Variants in LIMS1 observed in about 807,000 individuals in gnomAD.
LIMS1 encodes the protein LIM zinc finger domain containing 1.
In LIMS1, 18 loss-of-function variants were observed where a neutral mutation model predicts 44.1. That is an observed-to-expected ratio of 0.41 (90% CI 0.28 to 0.61). LIMS1 has a LOEUF of 0.61. Among genes scored for constraint, LIMS1 ranks in the 20% least tolerant of loss-of-function variants. The pLI is 0.32. For missense variants in LIMS1, 201 were observed against 422.0 expected (o/e 0.48, Z 4.59); for synonymous variants, 93 against 149.1 (o/e 0.62, Z 2.74).
chr2:108,573,776 G>A (rs1232226964), intron 1 of LIMS1, among the ~76,000 whole-genome samples: 1 of 152,152 alleles, frequency 6.6e-6, no homozygotes, highest in Admixed American at 6.5e-5. Flanking sequence ...GCTAGAGAAG[G>A]GTGTAGGGGA....
At chr2:108,636,174 C>T (rs1420057145) in intron 1 of LIMS1, among the ~76,000 whole-genome samples, 5 of 152,174 alleles carry the variant, frequency 3.3e-5, no homozygotes, top group Non-Finnish European at 1.5e-5. Flanking sequence ...ACTCCGTGCC[C>T]GGGGTCACAC....
intron 2 of LIMS1, among the ~76,000 whole-genome samples, chr2:108,666,155 CCTT>C (rs1240429319): frequency 6.6e-6 from 1 of 152,198 alleles, no homozygotes; most frequent in Non-Finnish European, 1.5e-5. Context: ...GGACTGTCCT[CCTT>C]CTGATGCCAA....
rs1467474763 is a variant in LIMS1, at chr2:108,656,651, C to T, written c.33-2954C>T. ...CCCCTGCTTGTGATGAAAAGGAATA[C>T]TTCTTGCAAAATATATATTATATTA... On this transcript the variant is annotated intron_variant, in intron 1 of 9. Coordinates refer to ENST00000544547, the Ensembl canonical transcript of LIMS1. Among the ~76,000 whole-genome samples the T allele has an allele frequency of 2.7e-5, 4 of 149,280 alleles. No homozygotes were observed. In the East Asian group the frequency reaches 7.9e-4, roughly 30 times the overall value.
intron 1 of LIMS1, among the ~76,000 whole-genome samples, chr2:108,587,287 GGTTTGTGTGT>G (rs1370615502): frequency 1.8e-5 from 2 of 111,710 alleles, no homozygotes; most frequent in Non-Finnish European, 3.7e-5. Flanking sequence ...GTTTTCTTGG[GGTTTGTGTGT>G]GTGTGTGTGT....
intron 1 of LIMS1, among the ~76,000 whole-genome samples, chr2:108,609,357 T>G (rs560933345): frequency 1.3e-5 from 2 of 152,258 alleles, no homozygotes; most frequent in South Asian, 4.1e-4. Flanking sequence ...TCTCCAGGAT[T>G]GCACCCCTCC....
chr2:108,640,309 G>A (rs1189283233), intron 1 of LIMS1, among the ~76,000 whole-genome samples: 1 of 152,194 alleles, frequency 6.6e-6, no homozygotes, highest in Non-Finnish European at 1.5e-5. Flanking sequence ...GTTCATGTTA[G>A]CAACTTTTCT....
At chr2:108,603,319 T>C (rs934600847) in intron 1 of LIMS1, among the ~76,000 whole-genome samples, 2 of 152,138 alleles carry the variant, frequency 1.3e-5, no homozygotes, top group Non-Finnish European at 2.9e-5. Context: ...TTACTTGTTA[T>C]TGGTCTGTTC....
At chr2:108,620,389 G>T (rs918064226) in intron 1 of LIMS1, among the ~76,000 whole-genome samples, 1 of 152,176 alleles carries the variant, frequency 6.6e-6, no homozygotes, top group Non-Finnish European at 1.5e-5. Flanking sequence ...CTGGGAGGTA[G>T]CCTGTATTTG....
intron 1 of LIMS1, among the ~76,000 whole-genome samples, chr2:108,650,823 T>C (rs998590965): frequency 1.1e-4 from 17 of 152,058 alleles, no homozygotes; most frequent in Non-Finnish European, 1.5e-5. Context: ...CTATGTACTG[T>C]ATAGTCATAG....
intron 1 of LIMS1, among the ~76,000 whole-genome samples, chr2:108,579,158 C>G (rs934194890): frequency 6.6e-6 from 1 of 152,090 alleles, no homozygotes. Context: ...GTAACAAAAA[C>G]AACTTATATT....
chr2:108,650,553 G>A (rs1285544882), intron 1 of LIMS1, among the ~76,000 whole-genome samples: 2 of 152,068 alleles, frequency 1.3e-5, no homozygotes, highest in Non-Finnish European at 2.9e-5. Flanking sequence ...GAGCAGCTGG[G>A]ATTACACGTG....
At chr2:108,672,934 C>T (rs1692245851) in exon 5 of LIMS1, 2 of 1,007,308 alleles carry the variant, frequency 2.0e-6, no homozygotes, top group South Asian at 1.6e-5. Context: ...TTGGGAAATA[C>T]ATCTGCCAGA....
intron 1 of LIMS1, among the ~76,000 whole-genome samples, chr2:108,622,077 CT>C (rs2148874973): frequency 6.6e-6 from 1 of 152,310 alleles, no homozygotes; most frequent in South Asian, 2.1e-4. Flanking sequence ...ATTTGAGGTT[CT>C]GAAAGCCTCT....
At chr2:108,614,650 T>A (rs990535395) in intron 1 of LIMS1, among the ~76,000 whole-genome samples, 1 of 152,182 alleles carries the variant, frequency 6.6e-6, no homozygotes, top group Non-Finnish European at 1.5e-5. Context: ...AACTTTTATA[T>A]CGGAGTTAGG....
At chr2:108,585,157 A>T (rs1259051655) in intron 1 of LIMS1, among the ~76,000 whole-genome samples, 1 of 151,158 alleles carries the variant, frequency 6.6e-6, no homozygotes, top group African/African-American at 2.4e-5. Flanking sequence ...TCTCAAAAAA[A>T]AAAAAAAAAA....
chr2:108,548,325 G>A (rs1433319823), intron 1 of LIMS1, among the ~76,000 whole-genome samples: 1 of 151,906 alleles, frequency 6.6e-6, no homozygotes, highest in African/African-American at 2.4e-5. Flanking sequence ...CCCACATCAG[G>A]AATTGAGAAC....
intron 1 of LIMS1, chr2:108,607,187 A>C: frequency 6.4e-7 from 1 of 1,550,476 alleles, no homozygotes; most frequent in South Asian, 1.2e-5. Flanking sequence ...GGTGCCATCT[A>C]TGAGCATGGA....
chr2:108,597,436 G>T (rs1211949023), intron 1 of LIMS1, among the ~76,000 whole-genome samples: 2 of 152,128 alleles, frequency 1.3e-5, no homozygotes, highest in African/African-American at 4.8e-5. Flanking sequence ...TTAAAATGTT[G>T]TGAATTCTTG....
chr2:108,611,344 C>G (rs745841411), intron 1 of LIMS1, among the ~76,000 whole-genome samples: 1 of 152,164 alleles, frequency 6.6e-6, no homozygotes, highest in Non-Finnish European at 1.5e-5. Context: ...AGCTCTTGAC[C>G]AAGGTGCTAT....
Sources: allele counts gnomAD v4.1 joint callset (sites outside exome capture counted in the v4.1 genomes callset), GRCh38; gene constraint gnomAD v4.1.1; transcripts MANE v1.5; gene names NCBI Gene and HGNC (gene_info 2026-07-23, HGNC 2026-07-21).